Variants in RALGAPA1 observed in about 807,000 individuals in gnomAD.
RALGAPA1 encodes the protein Ral GTPase activating protein catalytic subunit alpha 1.
A neutral mutation model predicts 269.6 loss-of-function variants in RALGAPA1; 52 were observed. That is an observed-to-expected ratio of 0.19 (90% confidence interval 0.15 to 0.24). The LOEUF is 0.24. Among genes scored for constraint, RALGAPA1 ranks in the 10% least tolerant of loss-of-function variants. The pLI, the probability that RALGAPA1 is intolerant of heterozygous loss-of-function variation, is 1.00. For synonymous variants in RALGAPA1, 817 were observed against 1,008.3 expected (o/e 0.81, Z 3.60); for missense variants, 1,917 against 3,013.9 (o/e 0.64, Z 8.52).
At chr14:35,653,098 T>C (rs918064323) in intron 30 of RALGAPA1, among the ~76,000 whole-genome samples, 1 of 152,154 alleles carries the variant, frequency 6.6e-6, no homozygotes, top group Non-Finnish European at 1.5e-5. Flanking sequence ...GCATGAACTT[T>C]GGAATCTTAC....
intron 7 of RALGAPA1, among the ~76,000 whole-genome samples, chr14:35,755,201 A>G (rs1290963160): frequency 2.0e-5 from 3 of 152,028 alleles, no homozygotes; most frequent in Non-Finnish European, 4.4e-5. Context: ...AAAAAAAAAA[A>G]AGTTTTAGTT....
intron 37 of RALGAPA1, among the ~76,000 whole-genome samples, chr14:35,585,560 TAAATC>T (rs2058225076): frequency 6.6e-6 from 1 of 152,352 alleles, no homozygotes; most frequent in Middle Eastern, 3.4e-3. Context: ...TATTCTCTAA[TAAATC>T]TAGTGCATAA....
chr14:35,595,516 A>T, intron 37 of RALGAPA1, 118 bp downstream of exon 37: 1 of 848,428 alleles, frequency 1.2e-6, no homozygotes, highest in Non-Finnish European at 2.0e-6. Flanking sequence ...CACTGGGTGG[A>T]GTGGTGTACT....
At chr14:35,563,809 T>A (rs1056101818) in intron 39 of RALGAPA1, among the ~76,000 whole-genome samples, 5 of 152,168 alleles carry the variant, frequency 3.3e-5, no homozygotes, top group African/African-American at 9.7e-5. Context: ...AATCATCTAA[T>A]GCAAAGCCTA....
chr14:35,567,599 T>C (rs375076865), intron 39 of RALGAPA1, among the ~76,000 whole-genome samples: 65 of 152,014 alleles, frequency 4.3e-4, no homozygotes, highest in African/African-American at 1.4e-3. Flanking sequence ...AGCTTTTATA[T>C]ACCTTTAGTG....
chr14:35,779,615 T>C (rs1196385480), intron 1 of RALGAPA1, among the ~76,000 whole-genome samples: 1 of 151,394 alleles, frequency 6.6e-6, no homozygotes, highest in East Asian at 1.9e-4. Context: ...ACCTCTAAAT[T>C]TCCTAAAATT....
At chr14:35,785,181 T>TA (rs2075710418) in intron 1 of RALGAPA1, among the ~76,000 whole-genome samples, 2 of 152,256 alleles carry the variant, frequency 1.3e-5, no homozygotes. Flanking sequence ...TCTGGAAATT[T>TA]AAAATCTAAA....
chr14:35,733,098 C>A (rs1432197913), intron 12 of RALGAPA1, among the ~76,000 whole-genome samples: 1 of 152,160 alleles, frequency 6.6e-6, no homozygotes, highest in Non-Finnish European at 1.5e-5. Flanking sequence ...CCAAAGGGAA[C>A]CTTCAAAACC....
intron 37 of RALGAPA1, among the ~76,000 whole-genome samples, chr14:35,575,892 C>T (rs892782774): frequency 5.3e-5 from 8 of 152,156 alleles, no homozygotes; most frequent in Admixed American, 3.9e-4. Flanking sequence ...CCGTGCCTGG[C>T]CCCCATTTCA....
At chr14:35,654,734 G>A (rs2063063928) in intron 29 of RALGAPA1, among the ~76,000 whole-genome samples, 1 of 152,128 alleles carries the variant, frequency 6.6e-6, no homozygotes, top group African/African-American at 2.4e-5. Flanking sequence ...GTGGATTTAT[G>A]CAGTGGCCTC....
intron 35 of RALGAPA1, among the ~76,000 whole-genome samples, chr14:35,609,549 T>C (rs2059796294): frequency 6.6e-6 from 1 of 152,094 alleles, no homozygotes; most frequent in Non-Finnish European, 1.5e-5. Context: ...AATGCCTCTA[T>C]TAAAAAAGAT....
chr14:35,716,397 C>CAA (rs78953823), intron 16 of RALGAPA1, among the ~76,000 whole-genome samples: 567 of 41,362 alleles, frequency 0.014, 11 homozygotes, highest in African/African-American at 0.019. Flanking sequence ...GACTCCGTCT[C>CAA]AAAAAAAAAA....
chr14:35,641,360 A>G (rs1299616884), intron 31 of RALGAPA1, among the ~76,000 whole-genome samples: 1 of 152,244 alleles, frequency 6.6e-6, no homozygotes, highest in Non-Finnish European at 1.5e-5. Flanking sequence ...ACTCTATCAA[A>G]TAACTATTAG....
intron 3 of RALGAPA1, among the ~76,000 whole-genome samples, chr14:35,772,040 G>A (rs2074668554): frequency 1.3e-5 from 2 of 152,184 alleles, no homozygotes; most frequent in Middle Eastern, 3.4e-3. Context: ...ATGCTATGAT[G>A]GATATAGGTA....
At chr14:35,635,634 C>G in intron 31 of RALGAPA1, 36 bp from the exon 32 acceptor site, 2 of 1,482,782 alleles carry the variant, frequency 1.3e-6, no homozygotes, top group South Asian at 2.8e-5. Context: ...ATTGTACATT[C>G]ATAAAATATA....
intron 35 of RALGAPA1, among the ~76,000 whole-genome samples, chr14:35,623,065 A>G (rs2139527299): frequency 6.7e-6 from 1 of 149,844 alleles, no homozygotes; most frequent in East Asian, 2.0e-4. Flanking sequence ...CCTGGGCAAC[A>G]GAGGAAGACT....
chr14:35,568,374 A>C (rs1310511339), intron 39 of RALGAPA1, among the ~76,000 whole-genome samples: 1 of 152,210 alleles, frequency 6.6e-6, no homozygotes, highest in Admixed American at 6.5e-5. Flanking sequence ...TCTGGTCTCA[A>C]GAATTTCAGA....
At chr14:35,675,278 C>G (rs753625713) in intron 22 of RALGAPA1, among the ~76,000 whole-genome samples, 3 of 152,172 alleles carry the variant, frequency 2.0e-5, no homozygotes, top group Non-Finnish European at 4.4e-5. Flanking sequence ...TGGGTTCACG[C>G]AATTCTCCTG....
chr14:35,591,478 G>A (rs1019328286), intron 37 of RALGAPA1, among the ~76,000 whole-genome samples: 1 of 151,966 alleles, frequency 6.6e-6, no homozygotes, highest in Admixed American at 6.6e-5. Context: ...ACCATGCCTG[G>A]CTAATTTTTA....
Sources: gnomAD v4.1 joint callset for allele counts (sites outside exome capture counted in the v4.1 genomes callset) on GRCh38, gnomAD v4.1.1 for gene constraint, MANE v1.5 for transcripts, NCBI Gene and HGNC (gene_info 2026-07-23, HGNC 2026-07-21) for gene names.